The following OR5H15 variants were observed in gnomAD, a reference collection of about 807,000 sequenced individuals.
OR5H15 encodes olfactory receptor 5H15.
For missense variants in OR5H15, 405 were observed against 366.1 expected (o/e 1.11, Z -0.87); for synonymous variants, 153 against 129.1 (o/e 1.19, Z -1.26).
rs80311638 is a variant in OR5H15 at position 98,169,318 on chromosome 3, C to A, written c.619C>A (p.Gln207Lys). Reference sequence around the variant, plus strand: ...GGTTTTTATTTTCTCAGGTTCAATTCAGGTATTCAGCATTGTGACTATTCT... The same window carrying A: ...GGTTTTTATTTTCTCAGGTTCAATTAAGGTATTCAGCATTGTGACTATTCT... Reference protein sequence around the residue: ...LMVFIFSGSIQVFSIVTILIS... With the variant: ...LMVFIFSGSIKVFSIVTILIS... The change falls in exon 2 of 2, where the codon CAG becomes AAG. Residue 207 changes from glutamine (Q) to lysine (K), a missense_variant. Coordinates refer to ENST00000641450, the MANE Select transcript of OR5H15 (RefSeq NM_001005515.2). 6.9e-5 allele frequency: 111 copies of A among 1,612,038 alleles called. No individual in the cohort carries two copies. The East Asian group carries it at 2.5e-3, about 36-fold the overall frequency.
At chr3:98,167,087 A>G (rs1447353803) in intron 1 of OR5H15, among the ~76,000 whole-genome samples, 1 of 152,132 alleles carries the variant, frequency 6.6e-6, no homozygotes, top group Non-Finnish European at 1.5e-5. Flanking sequence ...TGTATGAACT[A>G]GGGCATTGAA....
rs1254485330 is a variant in OR5H15 at position 98,168,763 on chromosome 3, C to T, written c.64C>T (p.Gln22Ter). 1.2e-6 allele frequency: 2 copies of T among 1,613,466 alleles called. No homozygotes were observed. The highest frequency in any genetic ancestry group is 1.7e-6 in the Non-Finnish European group (2 of 1,179,542). ...FVLTGFLYQPQWKIPLFLAFL... is the reference protein window; with the variant it reads ...FVLTGFLYQP ...TCTCACAGGATTTTTATATCAACCA[C>T]AGTGGAAAATACCCCTGTTCTTGGC... The change falls in exon 2 of 2, where the codon CAG (glutamine) becomes TAG (stop). Residue 22 changes from glutamine (Q) to a stop codon, truncating the protein, a stop_gained. Transcript: ENST00000641450. LOFTEE classifies it low-confidence loss of function (END_TRUNC).
At position 98,169,457 on chromosome 3, in the gene OR5H15, G is replaced by GC. The variant is rs764763968; in HGVS notation, c.763dup (p.Leu255ProfsTer41). 1.9e-6 allele frequency: 3 copies of GC among 1,613,200 alleles called. No homozygotes were observed. The South Asian group carries it at 3.3e-5, about 18-fold the overall frequency. ...CTCTTCTCTGTCTGTTTATACTATGGCCCCCTTCTCTTAATGTATGTGGGC... is the reference window on the plus strand; with the variant it reads ...CTCTTCTCTGTCTGTTTATACTATGGCCCCCCTTCTCTTAATGTATGTGGGC... On this transcript the variant is annotated frameshift_variant, in exon 2 of 2. Transcript: ENST00000641450. LOFTEE classifies it low-confidence loss of function (END_TRUNC).
At position 98,169,321 on chromosome 3, in the gene OR5H15, G is replaced by T. The variant is rs1202476490; in HGVS notation, c.622G>T (p.Val208Leu). The change falls in exon 2 of 2, where the codon GTA (valine) becomes TTA (leucine). Residue 208 changes from valine (V) to leucine (L), a missense_variant. By Grantham distance (32) the Val-to-Leu change is conservative. Transcript: ENST00000641450. ...MVFIFSGSIQ[V>L]FSIVTILISY... is the part of the protein sequence containing the mutation. The stretch of plus-strand genomic sequence containing the variant: ...TTTTATTTTCTCAGGTTCAATTCAG[G>T]TATTCAGCATTGTGACTATTCTTAT... The T allele has an allele frequency of 2.5e-6, 4 of 1,612,098 alleles. No individual in the cohort carries two copies. Among genetic ancestry groups the T allele is most frequent in the Non-Finnish European group, 3.4e-6 (4 of 1,178,752 alleles).
Position 98,169,372 on chromosome 3 carries a change from G to A in OR5H15, c.673G>A (p.Val225Ile), listed in dbSNP as rs62266807. ...LISYTFVLFT[V>I]LEKKSDKGVR... Reference sequence around the variant, plus strand: ...ATCTTACACATTTGTTCTCTTCACAGTCTTAGAAAAGAAATCTGATAAGGG... The same window carrying A: ...ATCTTACACATTTGTTCTCTTCACAATCTTAGAAAAGAAATCTGATAAGGG... The change falls in exon 2 of 2, where the codon GTC becomes ATC. Residue 225 changes from valine to isoleucine, a missense_variant. Physicochemically the swap from Val to Ile is conservative, Grantham distance 29. Transcript: ENST00000641450. The A allele has an allele frequency of 3.1e-6, 5 of 1,613,260 alleles. No homozygotes were observed. The highest frequency in any genetic ancestry group is 3.3e-5 in the Admixed American group (2 of 59,864).
At chr3:98,168,338 C>A (rs1474503007) in intron 1 of OR5H15, among the ~76,000 whole-genome samples, 1 of 151,964 alleles carries the variant, frequency 6.6e-6, no homozygotes, top group Non-Finnish European at 1.5e-5. Context: ...GCACTCATTT[C>A]ATTTATTTTT....
In OR5H15 at chr3:98,168,786, G is replaced by C. The variant is rs980610070; in HGVS notation, c.87G>C (p.Leu29Phe). 4 of 1,613,314 alleles carry C rather than the reference G, an allele frequency of 2.5e-6. No individual in the cohort carries two copies. The highest frequency in any genetic ancestry group is 1.3e-5 in the African/African-American group (1 of 74,858). The change falls in exon 2 of 2, where the codon TTG becomes TTC. Residue 29 changes from leucine (L) to phenylalanine (F), a missense_variant. Coordinates refer to ENST00000641450, the MANE Select transcript of OR5H15 (RefSeq NM_001005515.2). The part of the protein sequence containing the change: ...YQPQWKIPLF[L>F]AFLVIYLITI... ...CACAGTGGAAAATACCCCTGTTCTTGGCATTCTTGGTAATATATCTCATCA... is the reference window on the plus strand; with the variant it reads ...CACAGTGGAAAATACCCCTGTTCTTCGCATTCTTGGTAATATATCTCATCA...
rs759139254 is a variant in OR5H15, at chr3:98,169,436, T to C, written c.737T>C (p.Phe246Ser). 7 of 1,613,588 alleles carry C rather than the reference T, an allele frequency of 4.3e-6. No homozygotes were observed. The South Asian group carries it at 7.7e-5, about 18-fold the overall frequency. ...TTTTCCACCTGTGGAGCCCATCTCT[T>C]CTCTGTCTGTTTATACTATGGCCCC... ...KAFSTCGAHL[F>S]SVCLYYGPLL... The change falls in exon 2 of 2, where the codon TTC becomes TCC. Residue 246 changes from phenylalanine to serine, a missense_variant. Coordinates refer to ENST00000641450, the MANE Select transcript of OR5H15 (RefSeq NM_001005515.2).
In OR5H15 at chr3:98,169,215, C is replaced by T. The variant is rs760804477; in HGVS notation, c.516C>T (p.Asn172=). Residue 172 remains asparagine, a synonymous_variant, in exon 2 of 2, where the codon AAC becomes AAT. Transcript: ENST00000641450. ...FLFRLTFCNS[N]IVHHIYCDTI... ...TCAGACTAACCTTCTGTAACTCCAA[C>T]ATAGTACATCACATTTACTGTGACA... 6.2e-7 allele frequency: 1 copy of T among 1,612,046 alleles called. No individual in the cohort carries two copies. Among genetic ancestry groups the T allele is most frequent in the East Asian group, 2.2e-5 (1 of 44,746 alleles).
chr3:98,168,336 T>G, intron 1 of OR5H15, among the ~76,000 whole-genome samples: 1 of 152,000 alleles, frequency 6.6e-6, no homozygotes. Flanking sequence ...TGGCACTCAT[T>G]TCATTTATTT....
chr3:98,169,215 C>A lies in OR5H15; in HGVS notation c.516C>A (p.Asn172Lys). 6.2e-7 allele frequency: 1 copy of A among 1,612,046 alleles called. No homozygotes were observed. The highest frequency in any genetic ancestry group is 8.5e-7 in the Non-Finnish European group (1 of 1,178,626). ...TCAGACTAACCTTCTGTAACTCCAA[C>A]ATAGTACATCACATTTACTGTGACA... Reference protein sequence around the residue: ...FLFRLTFCNSNIVHHIYCDTI... With the variant: ...FLFRLTFCNSKIVHHIYCDTI... Residue 172 changes from asparagine (N) to lysine (K), a missense_variant, in exon 2 of 2, where the codon AAC becomes AAA. Transcript: ENST00000641450.
chr3:98,166,868 T>G (rs989906850), intron 1 of OR5H15, 37 bp downstream of exon 1: 1 of 152,168 alleles, frequency 6.6e-6, no homozygotes, highest in African/African-American at 2.4e-5. Flanking sequence ...TCATTATGCC[T>G]TATAGAAATG....
rs149418279 is a variant in OR5H15 at position 98,169,399 on chromosome 3, G to C, written c.700G>C (p.Val234Leu). 3.8e-5 allele frequency: 61 copies of C among 1,613,340 alleles called. No homozygotes were observed. Among genetic ancestry groups the C allele is most frequent in the Non-Finnish European group, 5.0e-5 (59 of 1,179,642 alleles). Reference protein sequence around the residue: ...TVLEKKSDKGVRKAFSTCGAH... With the variant: ...TVLEKKSDKGLRKAFSTCGAH... Reference sequence around the variant, plus strand: ...CTTAGAAAAGAAATCTGATAAGGGTGTAAGGAAAGCCTTTTCCACCTGTGG... The same window carrying C: ...CTTAGAAAAGAAATCTGATAAGGGTCTAAGGAAAGCCTTTTCCACCTGTGG... The change falls in exon 2 of 2, where the codon GTA becomes CTA. Residue 234 changes from valine (V) to leucine (L), a missense_variant. Transcript: ENST00000641450.
chr3:98,168,594 T>G (rs1230360232), intron 1 of OR5H15, 88 bp from the exon 2 acceptor site: 20 of 1,438,040 alleles, frequency 1.4e-5, no homozygotes, highest in Non-Finnish European at 1.9e-6. Flanking sequence ...TTCTGATCAT[T>G]TTAGGGTTTA....
At position 98,168,954 on chromosome 3, in the gene OR5H15, C is replaced by A; in HGVS notation, c.255C>A (p.Phe85Leu). ...STVTPKMLNN[F>L]LAKSKMISLS... ...TGACCCCAAAGATGCTGAATAACTT[C>A]TTAGCTAAGAGTAAGATGATATCTC... Residue 85 changes from phenylalanine to leucine, a missense_variant, in exon 2 of 2, where the codon TTC becomes TTA. Physicochemically the swap from Phe to Leu is conservative, Grantham distance 22. Transcript: ENST00000641450. The A allele has an allele frequency of 6.2e-7, 1 of 1,613,582 alleles. No homozygotes were observed. Among genetic ancestry groups the A allele is most frequent in the South Asian group, 1.1e-5 (1 of 91,070 alleles).
At position 98,169,237 on chromosome 3, in the gene OR5H15, G is replaced by A. The variant is rs767180871; in HGVS notation, c.538G>A (p.Asp180Asn). 8.1e-6 allele frequency: 13 copies of A among 1,611,822 alleles called. No individual in the cohort carries two copies. The highest frequency in any genetic ancestry group is 1.1e-5 in the Non-Finnish European group (13 of 1,178,542). The change falls in exon 2 of 2, where the codon GAC (aspartate) becomes AAC (asparagine). Residue 180 changes from aspartate to asparagine, a missense_variant. Asp to Asn is a conservative substitution (Grantham distance 23). Transcript: ENST00000641450. ...CAACATAGTACATCACATTTACTGT[G>A]ACACTATCCCATTGTCTAAGATTTC... Reference protein sequence around the residue: ...NSNIVHHIYCDTIPLSKISCT... With the variant: ...NSNIVHHIYCNTIPLSKISCT...
intron 1 of OR5H15, among the ~76,000 whole-genome samples, chr3:98,167,285 A>T (rs1211413727): frequency 6.6e-6 from 1 of 152,124 alleles, no homozygotes; most frequent in Non-Finnish European, 1.5e-5. Context: ...CTCACACTGT[A>T]AGTGTATTGA....
rs760946257 is a variant in OR5H15, at chr3:98,169,584, G to A, written c.885G>A (p.Lys295=). Residue 295 remains lysine (K), a synonymous_variant, in exon 2 of 2, where the codon AAG becomes AAA. Coordinates refer to ENST00000641450, the MANE Select transcript of OR5H15 (RefSeq NM_001005515.2). The part of the protein sequence containing the change: ...LNPIIYSLRN[K]QVIVSFIKML... ...CTATCATCTACAGTCTGAGAAATAAGCAAGTCATAGTTTCATTCATAAAAA... is the reference window on the plus strand; with the variant it reads ...CTATCATCTACAGTCTGAGAAATAAACAAGTCATAGTTTCATTCATAAAAA... The A allele has an allele frequency of 1.9e-6, 3 of 1,608,660 alleles. No homozygotes were observed. Among genetic ancestry groups the A allele is most frequent in the African/African-American group, 1.3e-5 (1 of 74,754 alleles).
chr3:98,167,172 A>T (rs919502265), intron 1 of OR5H15, among the ~76,000 whole-genome samples: 3 of 152,062 alleles, frequency 2.0e-5, no homozygotes, highest in Non-Finnish European at 2.9e-5. Flanking sequence ...TTTTGATATA[A>T]ATACCCATGC....
Sources: allele counts gnomAD v4.1 joint callset (sites outside exome capture counted in the v4.1 genomes callset), GRCh38; gene constraint gnomAD v4.1.1; transcripts MANE v1.5; gene names NCBI Gene and HGNC (gene_info 2026-07-23, HGNC 2026-07-21).